Variants in MAPKAP1 observed in about 807,000 individuals in gnomAD.
MAPKAP1 encodes MAPK associated protein 1.
In MAPKAP1, 20 loss-of-function variants were observed where a neutral mutation model predicts 65.7. The ratio of observed to expected loss-of-function variants is 0.30; its 90% CI spans 0.21 to 0.44. The LOEUF is 0.44. MAPKAP1 is among the 20% of genes least tolerant of loss of function. The pLI is 1.00. For missense variants in MAPKAP1, 423 were observed against 648.0 expected, an observed-to-expected ratio of 0.65 and a Z score of 3.77; for synonymous variants, 222 against 244.3, an observed-to-expected ratio of 0.91 and a Z score of 0.85.
chr9:125,627,208 C>T (rs1483141364), intron 4 of MAPKAP1, among the ~76,000 whole-genome samples: 1 of 152,154 alleles, frequency 6.6e-6, no homozygotes, highest in Non-Finnish European at 1.5e-5. Context: ...TTCATGACTA[C>T]CTGTAATCCA....
intron 7 of MAPKAP1, among the ~76,000 whole-genome samples, chr9:125,538,409 G>T (rs1589268079): frequency 6.6e-6 from 1 of 152,188 alleles, no homozygotes; most frequent in South Asian, 2.1e-4. Flanking sequence ...TGGGGAGGCA[G>T]TGCAGGAAAA....
intron 9 of MAPKAP1, among the ~76,000 whole-genome samples, chr9:125,481,251 G>C (rs1854304758): frequency 1.3e-5 from 2 of 152,122 alleles, no homozygotes; most frequent in Admixed American, 1.3e-4. Context: ...ATGAATTAAA[G>C]TTTGTCTTTT....
chr9:125,578,856 A>G (rs1831530642), intron 5 of MAPKAP1, among the ~76,000 whole-genome samples: 2 of 152,234 alleles, frequency 1.3e-5, no homozygotes, highest in South Asian at 4.1e-4. Context: ...AGAAATAAGT[A>G]ATTAAGGACA....
At chr9:125,502,748 G>GT (rs1829022308) in intron 8 of MAPKAP1, among the ~76,000 whole-genome samples, 1 of 152,146 alleles carries the variant, frequency 6.6e-6, no homozygotes, top group Non-Finnish European at 1.5e-5. Context: ...CAAGAAATAC[G>GT]TATCTGCAGT....
At chr9:125,459,853 TGGG>T (rs1853405839) in intron 10 of MAPKAP1, among the ~76,000 whole-genome samples, 3 of 17,194 alleles carry the variant, frequency 1.7e-4, no homozygotes, top group African/African-American at 1.4e-3. Flanking sequence ...AGGGAGACCG[TGGG>T]GAGAGGGAGA....
intron 5 of MAPKAP1, among the ~76,000 whole-genome samples, chr9:125,564,804 C>T (rs1830999398): frequency 6.6e-6 from 1 of 152,058 alleles, no homozygotes; most frequent in African/African-American, 2.4e-5. Flanking sequence ...CTCACAGTAG[C>T]AGGGCAGACA....
chr9:125,443,548 G>T (rs1192279778), intron 11 of MAPKAP1, among the ~76,000 whole-genome samples: 1 of 152,116 alleles, frequency 6.6e-6, no homozygotes, highest in Non-Finnish European at 1.5e-5. Context: ...GCAGCATCTG[G>T]CGCTTCTTGG....
chr9:125,510,145 G>T (rs1201178846), intron 7 of MAPKAP1, among the ~76,000 whole-genome samples: 1 of 152,148 alleles, frequency 6.6e-6, no homozygotes, highest in Non-Finnish European at 1.5e-5. Flanking sequence ...GGATGCTGGT[G>T]AAGTAACTTG....
intron 9 of MAPKAP1, among the ~76,000 whole-genome samples, chr9:125,481,963 C>T (rs1854334060): frequency 6.6e-6 from 1 of 151,452 alleles, no homozygotes; most frequent in Non-Finnish European, 1.5e-5. Flanking sequence ...AACCCCGTCT[C>T]TACTAAAAAT....
intron 1 of MAPKAP1, among the ~76,000 whole-genome samples, chr9:125,686,613 G>A (rs903645117): frequency 1.3e-5 from 2 of 152,160 alleles, no homozygotes; most frequent in South Asian, 4.1e-4. Context: ...AAGGTTTTGG[G>A]TGTTTTCGCT....
intron 5 of MAPKAP1, among the ~76,000 whole-genome samples, chr9:125,583,787 G>C (rs554725247): frequency 6.6e-6 from 1 of 152,320 alleles, no homozygotes; most frequent in South Asian, 2.1e-4. Context: ...TCAAAGGCTG[G>C]GTGCAGTGGC....
At chr9:125,454,058 A>G (rs1241904713) in intron 10 of MAPKAP1, among the ~76,000 whole-genome samples, 1 of 152,258 alleles carries the variant, frequency 6.6e-6, no homozygotes, top group Non-Finnish European at 1.5e-5. Flanking sequence ...GTTCCATGAA[A>G]CAAACAACTG....
intron 4 of MAPKAP1, chr9:125,652,247 C>A: frequency 7.8e-7 from 1 of 1,277,530 alleles, no homozygotes; most frequent in Non-Finnish European, 1.0e-6. Flanking sequence ...CCGACATAGA[C>A]TGGAACAATG....
At chr9:125,598,100 GAAT>G (rs2131604566) in intron 4 of MAPKAP1, among the ~76,000 whole-genome samples, 1 of 150,920 alleles carries the variant, frequency 6.6e-6, no homozygotes, top group Admixed American at 6.6e-5. Flanking sequence ...CCAAACACCA[GAAT>G]TGTAACATTT....
intron 7 of MAPKAP1, chr9:125,521,730 A>C (rs563777519): frequency 6.2e-7 from 1 of 1,613,006 alleles, no homozygotes; most frequent in Non-Finnish European, 8.5e-7. Context: ...CACAGCCTTG[A>C]CAGCCAGTGA....
rs372673836 is a variant in MAPKAP1 at position 125,438,859 on chromosome 9, C to T, written c.*28G>A. 222 of 1,613,824 alleles carry T rather than the reference C, an allele frequency of 1.4e-4. 1 individual carries two copies. The South Asian group carries it at 1.5e-3, about 11-fold the overall frequency. On this transcript the variant is annotated 3_prime_UTR_variant, in exon 12 of 12. Transcript: ENST00000265960. ...GCCCTGGCAGGCAGGCTCTGAGCTACGGAACAGATTGAGGCTGGAGGCCAG... is the reference window on the plus strand; with the variant it reads ...GCCCTGGCAGGCAGGCTCTGAGCTATGGAACAGATTGAGGCTGGAGGCCAG...
At chr9:125,517,687 G>C (rs1047086370) in intron 7 of MAPKAP1, among the ~76,000 whole-genome samples, 1 of 152,188 alleles carries the variant, frequency 6.6e-6, no homozygotes, top group Non-Finnish European at 1.5e-5. Context: ...GAAACTGTAG[G>C]AGCATCATAA....
In MAPKAP1 at chr9:125,438,454, C is replaced by T. The variant is rs1852368161; in HGVS notation, c.*433G>A. ...TCAATCCTCCGCCCCAAAGAATGGT[C>T]CATCATACCAACCATGATAAAGAGT... On this transcript the variant is annotated 3_prime_UTR_variant, in exon 12 of 12. Transcript: ENST00000265960. 1 of 400,256 alleles carries T rather than the reference C, an allele frequency of 2.5e-6. No individual in the cohort carries two copies. Among genetic ancestry groups the T allele is most frequent in the Non-Finnish European group, 4.4e-6 (1 of 226,882 alleles). The allele number at this position is 400,256 out of a possible 1,614,324, so 24.8% of individuals were successfully genotyped here. A position where few individuals can be genotyped will look rare whatever the true frequency, so the allele number is the denominator to read the frequency against.
At chr9:125,442,868 T>A (rs1852548494) in intron 11 of MAPKAP1, among the ~76,000 whole-genome samples, 1 of 152,246 alleles carries the variant, frequency 6.6e-6, no homozygotes. Flanking sequence ...TGTCTCAATA[T>A]ATTCCTGGAT....
Sources: gnomAD v4.1 joint callset for allele counts (sites outside exome capture counted in the v4.1 genomes callset) on GRCh38, gnomAD v4.1.1 for gene constraint, MANE v1.5 for transcripts, NCBI Gene and HGNC (gene_info 2026-07-23, HGNC 2026-07-21) for gene names.